The following SLC26A8 variants were observed in gnomAD, a reference collection of about 807,000 sequenced individuals.
SLC26A8 encodes the protein solute carrier family 26 member 8, also known as testis anion transporter 1.
A neutral mutation model predicts 105.0 loss-of-function variants in SLC26A8; 70 were observed. The ratio of observed to expected loss-of-function variants is 0.67; its 90% CI spans 0.55 to 0.81. The LOEUF is 0.81. Among genes scored for constraint, SLC26A8 ranks in the 40% least tolerant of loss-of-function variants. The pLI, the probability that SLC26A8 is intolerant of heterozygous loss-of-function variation, is 0.00. For synonymous variants in SLC26A8, 415 were observed against 438.3 expected (o/e 0.95, Z 0.66); for missense variants, 998 against 1,181.8 (o/e 0.84, Z 2.28).
chr6:35,944,705 T>C (rs1333032954), intron 19 of SLC26A8, among the ~76,000 whole-genome samples: 1 of 151,872 alleles, frequency 6.6e-6, no homozygotes, highest in Non-Finnish European at 1.5e-5. Context: ...TGAGACTGTC[T>C]CAAAAAACAA....
chr6:35,960,021 G>A (rs1772251356), intron 14 of SLC26A8: 1 of 387,510 alleles, frequency 2.6e-6, no homozygotes, highest in Non-Finnish European at 4.6e-6. Flanking sequence ...CAATTCTCCT[G>A]CCTCAGCCTC....
At chr6:36,012,396 T>G in intron 2 of SLC26A8, 24 bp from the exon 3 acceptor site, 1 of 1,548,000 alleles carries the variant, frequency 6.5e-7, no homozygotes, top group Non-Finnish European at 8.7e-7. Flanking sequence ...GAGCAGAGAC[T>G]TGGTTAGTTT....
intron 9 of SLC26A8, 119 bp downstream of exon 9, chr6:35,977,085 C>T: frequency 1.8e-6 from 2 of 1,115,040 alleles, no homozygotes; most frequent in East Asian, 2.6e-5. Flanking sequence ...TTTGTGATTA[C>T]TGTCCAAACC....
At position 36,009,016 on chromosome 6, in the gene SLC26A8, G is replaced by A. The variant is rs1266951214; in HGVS notation, c.328+3217C>T. 5.3e-5 allele frequency among the ~76,000 whole-genome samples: 8 copies of A among 152,176 alleles called. No homozygotes were observed. In the South Asian group the frequency reaches 1.5e-3, roughly 28 times the overall value. ...CTCCAGCAATGTACTACACTCCTAA[G>A]CATTTATCCCAGATAAATGAAGACT... On this transcript the variant is annotated intron_variant, in intron 3 of 19. Transcript: ENST00000490799.
chr6:35,956,639 G>C (rs1285327907), intron 16 of SLC26A8, among the ~76,000 whole-genome samples: 1 of 151,978 alleles, frequency 6.6e-6, no homozygotes, highest in Non-Finnish European at 1.5e-5. Context: ...GATAAGTAAG[G>C]CCAGGCATGG....
intron 11 of SLC26A8, among the ~76,000 whole-genome samples, chr6:35,963,172 C>CG (rs1238772521): frequency 6.6e-6 from 1 of 152,048 alleles, no homozygotes; most frequent in Non-Finnish European, 1.5e-5. Context: ...GAGCAGGCCC[C>CG]GGAGACAAAA....
At chr6:35,963,014 C>T (rs560023112) in intron 11 of SLC26A8, among the ~76,000 whole-genome samples, 4 of 152,230 alleles carry the variant, frequency 2.6e-5, no homozygotes, top group Admixed American at 2.0e-4. Context: ...GCCAAAAACA[C>T]AAGGCAAGGT....
At chr6:35,970,684 G>T (rs1306904685) in intron 10 of SLC26A8, among the ~76,000 whole-genome samples, 1 of 152,024 alleles carries the variant, frequency 6.6e-6, no homozygotes, top group Admixed American at 6.6e-5. Context: ...AAATTCTTCT[G>T]ATTATTTTTA....
At chr6:36,024,195 G>A in intron 1 of SLC26A8, 1 of 280,958 alleles carries the variant, frequency 3.6e-6, no homozygotes, top group Non-Finnish European at 7.0e-6. Context: ...AGGCGGTGGG[G>A]TGCAGGTAGC....
chr6:36,000,068 A>G lies in SLC26A8; in HGVS notation c.369T>C (p.Pro123=), dbSNP rs1054797853. The G allele has an allele frequency of 1.2e-6, 2 of 1,614,160 alleles. No homozygotes were observed. The highest frequency in any genetic ancestry group is 1.7e-5 in the Admixed American group (1 of 60,024). ...AGAAAGCTGCATAAGCGATGTTGAG[A>G]GGAGGAATCAGTTGCCTTGCCAGCA... ...LSLLARQLIP[P]LNIAYAAFCS... Residue 123 remains proline, a synonymous_variant, in exon 4 of 20, where the codon CCT becomes CCC. Transcript: ENST00000490799.
At position 35,981,393 on chromosome 6, in the gene SLC26A8, C is replaced by T. The variant is rs1773259226; in HGVS notation, c.1025+728G>A. ...CTGTGGCTCATGCCTGTAATCCCAGCACTATAGGAGGCCAAGGCAGGAGGA... is the reference window on the plus strand; with the variant it reads ...CTGTGGCTCATGCCTGTAATCCCAGTACTATAGGAGGCCAAGGCAGGAGGA... On this transcript the variant is annotated intron_variant, in intron 8 of 19. Transcript: ENST00000490799. This position sits in a 1 kb window ranked among gnomAD's most constrained non-coding sequence, Gnocchi z 4.0. 6.6e-6 allele frequency among the ~76,000 whole-genome samples: 1 copy of T among 152,162 alleles called. No individual in the cohort carries two copies. Among genetic ancestry groups the T allele is most frequent in the Non-Finnish European group, 1.5e-5 (1 of 68,018 alleles).
chr6:35,985,430 C>G (rs372388245), intron 7 of SLC26A8, among the ~76,000 whole-genome samples: 1 of 152,072 alleles, frequency 6.6e-6, no homozygotes, highest in Non-Finnish European at 1.5e-5. Flanking sequence ...CATGGTGGCT[C>G]ATGCCTGTAA....
In SLC26A8 at chr6:35,975,377, G is replaced by A. The variant is rs776751089; in HGVS notation, c.1285C>T (p.Gln429Ter). The A allele has an allele frequency of 8.3e-6, 13 of 1,571,876 alleles. No individual in the cohort carries two copies. Among genetic ancestry groups the A allele is most frequent in the Admixed American group, 1.7e-5 (1 of 58,022 alleles). The part of the protein sequence containing the change: ...IIQDKSGGRQ[Q>*]FASLVGAGVM... ...GATCAAATTGTATTTCAACATACCT[G>A]TTGTCTTCCTCCAGATTTATCCTGG... is the stretch of plus-strand genomic sequence containing the variant. The change falls in exon 10 of 20, where the codon CAG becomes TAG. Residue 429 changes from glutamine (Q) to a stop codon, truncating the protein, a stop_gained and splice_region_variant. Coordinates refer to ENST00000490799, the MANE Select transcript of SLC26A8 (RefSeq NM_052961.4). LOFTEE classifies it high-confidence loss of function.
In SLC26A8 at chr6:36,019,626, C is replaced by T. The variant is rs144948453; in HGVS notation, c.82G>A (p.Glu28Lys). The part of the protein sequence containing the change: ...RNSFAYDVKR[E>K]VYNEETFQQE... ...TGAAAGGTCTCCTCATTGTATACTTCACGCTTAACATCATATGCGAATGAG... is the reference window on the plus strand; with the variant it reads ...TGAAAGGTCTCCTCATTGTATACTTTACGCTTAACATCATATGCGAATGAG... The change falls in exon 2 of 20, where the codon GAA (glutamate) becomes AAA (lysine). Residue 28 changes from glutamate (E) to lysine (K), a missense_variant. Physicochemically the swap from Glu to Lys is moderately conservative, Grantham distance 56 (BLOSUM62 1). Coordinates refer to ENST00000490799, the MANE Select transcript of SLC26A8 (RefSeq NM_052961.4). The T allele has an allele frequency of 2.8e-5, 46 of 1,614,046 alleles. No individual in the cohort carries two copies. The highest frequency in any genetic ancestry group is 3.7e-5 in the Non-Finnish European group (44 of 1,180,030).
chr6:35,995,154 A>T (rs969660), intron 5 of SLC26A8, among the ~76,000 whole-genome samples: 63,289 of 152,134 alleles, frequency 0.42, 13,508 homozygotes, highest in South Asian at 0.56. Flanking sequence ...TCACTCATAT[A>T]TGCAAATATA....
In SLC26A8 at chr6:35,982,314, G is replaced by A. The variant is rs953507665; in HGVS notation, c.943-111C>T. The stretch of plus-strand genomic sequence containing the variant: ...CTCTGGCAGGACAGAAAATGAAACA[G>A]GCAGCAGTCCCTATGCATGCAAGTT... On this transcript the variant is annotated intron_variant, in intron 7 of 19. Coordinates refer to ENST00000490799, the MANE Select transcript of SLC26A8 (RefSeq NM_052961.4). 1.1e-5 allele frequency: 11 copies of A among 978,146 alleles called. No individual in the cohort carries two copies. In the African/African-American group the frequency reaches 1.8e-4, roughly 16 times the overall value. 60.6% of individuals were successfully genotyped at this position (978,146 alleles called of 1,614,324 possible).
chr6:35,992,656 C>T lies in SLC26A8; in HGVS notation c.646G>A (p.Gly216Ser), dbSNP rs376657760. The T allele has an allele frequency of 6.2e-7, 1 of 1,610,862 alleles. No individual in the cohort carries two copies. The highest frequency in any genetic ancestry group is 1.7e-5 in the Admixed American group (1 of 59,170). Reference sequence around the variant, plus strand: ...AGGTAAGTGGCAATGAAGCCCAAACCCAATACGCCCATTATTAGCTGCAGA... The same window carrying T: ...AGGTAAGTGGCAATGAAGCCCAAACTCAATACGCCCATTATTAGCTGCAGA... ...GIIQLIMGVL[G>S]LGFIATYLPE... Residue 216 changes from glycine (G) to serine (S), a missense_variant, in exon 6 of 20, where the codon GGT (glycine) becomes AGT (serine). Physicochemically the swap from Gly to Ser is moderately conservative, Grantham distance 56. Coordinates refer to ENST00000490799, the MANE Select transcript of SLC26A8 (RefSeq NM_052961.4).
intron 1 of SLC26A8, 140 bp from the exon 2 acceptor site, chr6:36,019,849 A>C: frequency 2.5e-6 from 2 of 796,844 alleles, no homozygotes; most frequent in Non-Finnish European, 3.7e-6. Context: ...ACTCTTTCTC[A>C]AAGTTGTATA....
chr6:36,003,667 CT>C (rs5875527), intron 3 of SLC26A8, among the ~76,000 whole-genome samples: 65 of 144,214 alleles, frequency 4.5e-4, no homozygotes, highest in East Asian at 1.4e-3. Context: ...TTCTTTTTTT[CT>C]TTTTTTTTTT....
Sources: gnomAD v4.1 joint callset for allele counts (sites outside exome capture counted in the v4.1 genomes callset) on GRCh38, gnomAD v4.1.1 for gene constraint, Gnocchi (gnomAD v3.1) non-coding constraint, MANE v1.5 for transcripts, NCBI Gene and HGNC (gene_info 2026-07-23, HGNC 2026-07-21) for gene names.